RGS22: variants seen among roughly 807,000 people sequenced by gnomAD.
The protein encoded by RGS22 is regulator of G protein signaling 22, also known as regulator of G-protein signaling 22.
RGS22 carries 148 observed loss-of-function variants against 172.9 expected under a neutral mutation model. The observed-to-expected ratio is 0.86, with a 90% CI of 0.75 to 0.98. The LOEUF (loss-of-function observed/expected upper bound fraction) is 0.98. Among genes scored for constraint, RGS22 ranks in the 50% least tolerant of loss-of-function variants. The probability of loss-of-function intolerance (pLI) is 0.00; values close to 1 mark genes in which losing one functional copy is unlikely to be tolerated. For synonymous variants in RGS22, 458 were observed against 480.2 expected (o/e 0.95, Z 0.60); for missense variants, 1,347 against 1,440.8 (o/e 0.93, Z 1.05).
intron 21 of RGS22, among the ~76,000 whole-genome samples, chr8:99,986,055 C>A (rs1001172075): frequency 6.6e-6 from 1 of 151,812 alleles, no homozygotes; most frequent in Non-Finnish European, 1.5e-5. Context: ...CATAGGGAGA[C>A]CCCATCTCTA....
At chr8:100,105,629 C>T (rs1040883723) in intron 1 of RGS22, 4 of 594,214 alleles carry the variant, frequency 6.7e-6, no homozygotes, top group Non-Finnish European at 1.2e-5. Context: ...TTCACTGTGA[C>T]CCAGGAGTTA....
intron 14 of RGS22, among the ~76,000 whole-genome samples, chr8:100,009,344 G>A (rs780719449): frequency 1.3e-4 from 19 of 151,332 alleles, no homozygotes; most frequent in Non-Finnish European, 2.2e-4. Context: ...GCTTGAACCC[G>A]GGCGGCAGAG....
At chr8:100,068,229 T>C (rs1403193612) in intron 6 of RGS22, among the ~76,000 whole-genome samples, 1 of 151,648 alleles carries the variant, frequency 6.6e-6, no homozygotes, top group South Asian at 2.1e-4. Flanking sequence ...TACAAATAAT[T>C]TTTTAAAAAT....
chr8:100,006,256 A>C (rs1815698983), intron 15 of RGS22, 147 bp from the exon 16 acceptor site: 1 of 630,878 alleles, frequency 1.6e-6, no homozygotes, highest in South Asian at 2.1e-5. Flanking sequence ...GATTAGCTAC[A>C]GCAGGGTCAC....
intron 23 of RGS22, among the ~76,000 whole-genome samples, chr8:99,973,968 C>A (rs563602490): frequency 1.3e-5 from 2 of 151,464 alleles, no homozygotes; most frequent in Admixed American, 6.6e-5. Context: ...CAAACCCGCA[C>A]GTTACGCACA....
chr8:99,981,116 CT>C (rs1299180867), intron 22 of RGS22, among the ~76,000 whole-genome samples: 2 of 152,154 alleles, frequency 1.3e-5, no homozygotes, highest in Non-Finnish European at 2.9e-5. Context: ...ATGGCCTTCC[CT>C]ATTACCCCTA....
intron 23 of RGS22, among the ~76,000 whole-genome samples, chr8:99,967,026 G>T (rs961910974): frequency 1.3e-5 from 2 of 152,172 alleles, no homozygotes; most frequent in Admixed American, 1.3e-4. Flanking sequence ...TGAGGTACTT[G>T]TTCATCTCAT....
intron 2 of RGS22, among the ~76,000 whole-genome samples, chr8:100,101,714 T>C (rs1430957555): frequency 6.6e-6 from 1 of 151,954 alleles, no homozygotes; most frequent in African/African-American, 2.4e-5. Context: ...AAACAAATAA[T>C]TTATTCTAAA....
chr8:100,093,211 G>C, intron 3 of RGS22: 1 of 395,126 alleles, frequency 2.5e-6, no homozygotes, highest in Non-Finnish European at 4.6e-6. Flanking sequence ...ACCAGAGTTT[G>C]TACAGAATGC....
intron 20 of RGS22, among the ~76,000 whole-genome samples, chr8:99,993,965 G>A (rs1181538930): frequency 1.3e-5 from 2 of 152,238 alleles, no homozygotes; most frequent in Admixed American, 6.5e-5. Flanking sequence ...TTCAACAAAT[G>A]CAAATCAATA....
At chr8:100,026,631 A>G (rs992436641) in intron 14 of RGS22, among the ~76,000 whole-genome samples, 10 of 152,236 alleles carry the variant, frequency 6.6e-5, no homozygotes, top group African/African-American at 2.4e-4. Flanking sequence ...TCAAGCTGTC[A>G]TATCATTGGG....
intron 24 of RGS22, among the ~76,000 whole-genome samples, chr8:99,963,284 T>C (rs976378826): frequency 5.9e-5 from 9 of 152,180 alleles, no homozygotes; most frequent in Admixed American, 1.3e-4. Flanking sequence ...TTCCCTGGTT[T>C]GCAGGGAGGA....
chr8:100,084,092 C>A (rs998097847), intron 3 of RGS22, among the ~76,000 whole-genome samples: 8 of 152,100 alleles, frequency 5.3e-5, no homozygotes, highest in Non-Finnish European at 7.4e-5. Flanking sequence ...CCACCTTGGC[C>A]TCCCAAAGTG....
chr8:99,966,549 C>G (rs1016240115), intron 23 of RGS22, among the ~76,000 whole-genome samples: 4 of 151,578 alleles, frequency 2.6e-5, no homozygotes, highest in Admixed American at 6.6e-5. Context: ...TCAATTAATA[C>G]AAATCTTTAA....
chr8:99,999,929 G>T (rs978156330), intron 18 of RGS22, among the ~76,000 whole-genome samples: 1 of 152,160 alleles, frequency 6.6e-6, no homozygotes, highest in Non-Finnish European at 1.5e-5. Flanking sequence ...TAGGATGATG[G>T]CAGCTGTAGT....
At position 99,999,260 on chromosome 8, in the gene RGS22, A is replaced by G. The variant is rs1588941918; in HGVS notation, c.2949+2T>C. On this transcript the variant is annotated splice_donor_variant, in intron 19 of 27. Transcript: ENST00000360863. LOFTEE classifies it high-confidence loss of function. The stretch of plus-strand genomic sequence containing the variant: ...ATCAAAAGATTATACTAATTTATAT[A>G]CCTTTATCTTCTGACGTGCTGCAAA... 1.9e-6 allele frequency: 3 copies of G among 1,612,366 alleles called. No individual in the cohort carries two copies. The highest frequency in any genetic ancestry group is 1.1e-5 in the South Asian group (1 of 90,784).
chr8:99,977,958 TCTG>T lies in RGS22; in HGVS notation c.3475_3477del (p.Gln1159del). ...TCTTCTAGGACTGCCAATTTTTTTT[TCTG>T]CTTATTATATTCTTGTCTTCTCTCT... is the stretch of plus-strand genomic sequence containing the variant. On this transcript the variant is annotated inframe_deletion, in exon 23 of 28. Transcript: ENST00000360863. 1 of 1,564,816 alleles carries T rather than the reference TCTG, an allele frequency of 6.4e-7. No homozygotes were observed. Among genetic ancestry groups the T allele is most frequent in the Non-Finnish European group, 8.6e-7 (1 of 1,164,398 alleles).
intron 20 of RGS22, among the ~76,000 whole-genome samples, chr8:99,989,935 C>T (rs1011913956): frequency 2.6e-5 from 4 of 151,996 alleles, no homozygotes; most frequent in African/African-American, 7.2e-5. Flanking sequence ...GATAGACAGA[C>T]AGATAAATGA....
chr8:99,964,636 A>C (rs1047238159), intron 24 of RGS22, among the ~76,000 whole-genome samples: 1 of 152,158 alleles, frequency 6.6e-6, no homozygotes, highest in Non-Finnish European at 1.5e-5. Context: ...ATGCTTTTAG[A>C]TATCTCTTTC....
Sources: gnomAD v4.1 joint callset for allele counts (sites outside exome capture counted in the v4.1 genomes callset) on GRCh38, gnomAD v4.1.1 for gene constraint, MANE v1.5 for transcripts, NCBI Gene and HGNC (gene_info 2026-07-23, HGNC 2026-07-21) for gene names.